Variants in SUCLG2 observed in about 807,000 individuals in gnomAD.
SUCLG2 encodes the protein succinate-CoA ligase GDP-forming subunit beta.
A neutral mutation model predicts 47.9 loss-of-function variants in SUCLG2; 42 were observed. The ratio of observed to expected loss-of-function variants is 0.88; its 90% CI spans 0.69 to 1.14. The LOEUF (loss-of-function observed/expected upper bound fraction) is 1.14. Ranked by LOEUF, SUCLG2 falls within the 50% of genes most tolerant of loss-of-function variation. SUCLG2 has a pLI of 0.00. For synonymous variants in SUCLG2, 195 were observed against 197.3 expected, an observed-to-expected ratio of 0.99 and a Z score of 0.10; for missense variants, 571 against 525.9, an observed-to-expected ratio of 1.09 and a Z score of -0.84.
intron 1 of SUCLG2, among the ~76,000 whole-genome samples, chr3:67,649,099 T>C (rs553837816): frequency 2.0e-5 from 3 of 152,234 alleles, no homozygotes; most frequent in South Asian, 4.1e-4. Flanking sequence ...AAAAAGCCTA[T>C]CTGAAGAATC....
At chr3:67,619,097 G>C (rs1700684790) in intron 1 of SUCLG2, among the ~76,000 whole-genome samples, 1 of 152,178 alleles carries the variant, frequency 6.6e-6, no homozygotes, top group Non-Finnish European at 1.5e-5. Flanking sequence ...TGAGCTTTCA[G>C]ATTATCCAGA....
intron 1 of SUCLG2, among the ~76,000 whole-genome samples, chr3:67,634,532 T>C (rs755923844): frequency 8.5e-5 from 13 of 152,260 alleles, no homozygotes; most frequent in Non-Finnish European, 1.9e-4. Flanking sequence ...TAATTAACTA[T>C]ACTTAATAAT....
chr3:67,388,380 C>T (rs796620439), intron 10 of SUCLG2, among the ~76,000 whole-genome samples: 21 of 152,278 alleles, frequency 1.4e-4, no homozygotes, highest in African/African-American at 5.1e-4. Context: ...TGGGAATTGG[C>T]ATCTTGTGTG....
chr3:67,431,769 A>G (rs535257216), intron 9 of SUCLG2, among the ~76,000 whole-genome samples: 2 of 152,216 alleles, frequency 1.3e-5, no homozygotes, highest in Non-Finnish European at 1.5e-5. Context: ...GGATACCATT[A>G]GGAGATATAC....
chr3:67,602,526 C>A (rs1708442544), intron 2 of SUCLG2, among the ~76,000 whole-genome samples: 1 of 151,764 alleles, frequency 6.6e-6, no homozygotes, highest in African/African-American at 2.4e-5. Context: ...AAGGAGATGA[C>A]CAGAGAAGAC....
intron 1 of SUCLG2, among the ~76,000 whole-genome samples, chr3:67,649,997 C>T (rs1701257715): frequency 6.6e-6 from 1 of 152,124 alleles, no homozygotes; most frequent in Non-Finnish European, 1.5e-5. Context: ...AAAAGAAATG[C>T]CTTATTTACA....
At chr3:67,651,765 T>C (rs1441084748) in intron 1 of SUCLG2, among the ~76,000 whole-genome samples, 1 of 152,190 alleles carries the variant, frequency 6.6e-6, no homozygotes, top group Non-Finnish European at 1.5e-5. Flanking sequence ...GTCTTATATT[T>C]CAGTTTAAAA....
At chr3:67,530,381 T>C (rs1261363269) in intron 2 of SUCLG2, among the ~76,000 whole-genome samples, 2 of 152,214 alleles carry the variant, frequency 1.3e-5, no homozygotes, top group Non-Finnish European at 1.5e-5. Context: ...AGTTCATTTA[T>C]TACCTTTGTA....
intron 7 of SUCLG2, among the ~76,000 whole-genome samples, chr3:67,506,672 C>G (rs944401692): frequency 3.9e-5 from 6 of 152,210 alleles, no homozygotes; most frequent in Non-Finnish European, 5.9e-5. Context: ...CACTCCATAG[C>G]TACAGCTACA....
intron 10 of SUCLG2, among the ~76,000 whole-genome samples, chr3:67,386,200 T>G (rs1702254417): frequency 1.3e-5 from 2 of 151,822 alleles, no homozygotes; most frequent in South Asian, 4.2e-4. Flanking sequence ...GCCATTCTCC[T>G]GCCTCAGCCT....
chr3:67,407,496 G>A (rs1304167672), intron 9 of SUCLG2, among the ~76,000 whole-genome samples: 1 of 152,100 alleles, frequency 6.6e-6, no homozygotes, highest in Non-Finnish European at 1.5e-5. Flanking sequence ...GAAAGTCTCT[G>A]TTTTGTTCTT....
intron 1 of SUCLG2, among the ~76,000 whole-genome samples, chr3:67,641,979 A>T (rs11707967): frequency 0.29 from 44,420 of 151,984 alleles, 7,049 homozygotes; most frequent in Non-Finnish European, 0.36. Flanking sequence ...CCGAGTATAA[A>T]TTTTCTCTTT....
chr3:67,441,454 T>G (rs1703761916), intron 9 of SUCLG2, among the ~76,000 whole-genome samples: 1 of 152,054 alleles, frequency 6.6e-6, no homozygotes, highest in South Asian at 2.1e-4. Context: ...GGGAAGGAAT[T>G]GAAGCCTCCT....
At position 67,641,489 on chromosome 3, in the gene SUCLG2, G is replaced by C. The variant is rs574135256; in HGVS notation, c.84+13014C>G. 2.6e-5 allele frequency among the ~76,000 whole-genome samples: 4 copies of C among 152,256 alleles called. No individual in the cohort carries two copies. In the South Asian group the frequency reaches 8.3e-4, roughly 32 times the overall value. On this transcript the variant is annotated intron_variant, in intron 1 of 10. Transcript: ENST00000307227. ...AATTTCAAAAACCGCAATTACTTTTGCACCAACCTACAATTTCAGATGTGT... is the reference window on the plus strand; with the variant it reads ...AATTTCAAAAACCGCAATTACTTTTCCACCAACCTACAATTTCAGATGTGT...
rs1006267626 is a variant in SUCLG2 at position 67,618,387 on chromosome 3, C to T, written c.85-8791G>A. On this transcript the variant is annotated intron_variant, in intron 1 of 10. Transcript: ENST00000307227. ...TGAGCCGAGATCTCGCCATTGCACT[C>T]CAGCCTGGCAACAGAACAAAACTCT... Among the ~76,000 whole-genome samples, 5 of 152,254 alleles carry T rather than the reference C, an allele frequency of 3.3e-5. No homozygotes were observed. The South Asian group carries it at 1.0e-3, about 32-fold the overall frequency.
intron 1 of SUCLG2, among the ~76,000 whole-genome samples, chr3:67,643,043 C>A (rs1701129435): frequency 6.6e-6 from 1 of 152,032 alleles, no homozygotes; most frequent in Non-Finnish European, 1.5e-5. Context: ...TGGGCATCTG[C>A]CACCTGTGAC....
At chr3:67,561,658 GTCTT>G (rs541125430) in intron 2 of SUCLG2, among the ~76,000 whole-genome samples, 168 of 152,220 alleles carry the variant, frequency 1.1e-3, no homozygotes, top group African/African-American at 3.8e-3. Context: ...CTCTTGGTTT[GTCTT>G]TCTTTTTGCC....
At chr3:67,534,822 C>T (rs1055048168) in intron 2 of SUCLG2, among the ~76,000 whole-genome samples, 1 of 107,412 alleles carries the variant, frequency 9.3e-6, no homozygotes, top group Admixed American at 1.0e-4. Context: ...CATCATTCAA[C>T]ACCTGTAACT....
chr3:67,573,497 T>C (rs539673365), intron 2 of SUCLG2, among the ~76,000 whole-genome samples: 1 of 152,326 alleles, frequency 6.6e-6, no homozygotes, highest in African/African-American at 2.4e-5. Flanking sequence ...ACAAATTTAG[T>C]AGCTTAACAC....
Sources: gnomAD v4.1 joint callset for allele counts (sites outside exome capture counted in the v4.1 genomes callset) on GRCh38, gnomAD v4.1.1 for gene constraint, MANE v1.5 for transcripts, NCBI Gene and HGNC (gene_info 2026-07-23, HGNC 2026-07-21) for gene names.